Variants in FAF1 observed in about 807,000 individuals in gnomAD.
The protein encoded by FAF1 is FAS-associated factor 1.
Under a neutral mutation model 92.5 loss-of-function variants are expected in FAF1, and 25 were observed. That is an observed-to-expected ratio of 0.27 (90% confidence interval 0.20 to 0.38). The LOEUF is 0.38. Among genes scored for constraint, FAF1 ranks in the 10% least tolerant of loss-of-function variants. The pLI, the probability that FAF1 is intolerant of heterozygous loss-of-function variation, is 1.00. For synonymous variants in FAF1, 234 were observed against 273.2 expected (o/e 0.86, Z 1.42); for missense variants, 636 against 793.3 (o/e 0.80, Z 2.38).
At chr1:50,861,138 A>C (rs1054785528) in intron 1 of FAF1, among the ~76,000 whole-genome samples, 1 of 151,838 alleles carries the variant, frequency 6.6e-6, no homozygotes, top group African/African-American at 2.4e-5. Context: ...GAGTGACAAG[A>C]TCATTTCATA....
At chr1:50,444,824 G>C (rs1052737854) in intron 18 of FAF1, among the ~76,000 whole-genome samples, 13 of 150,710 alleles carry the variant, frequency 8.6e-5, no homozygotes, top group African/African-American at 3.2e-4. Context: ...GCTGCAGACA[G>C]AATAAGGTTT....
At chr1:50,482,734 T>C (rs1330559370) in intron 17 of FAF1, among the ~76,000 whole-genome samples, 1 of 152,226 alleles carries the variant, frequency 6.6e-6, no homozygotes, top group African/African-American at 2.4e-5. Flanking sequence ...TGGTTTTAAT[T>C]TGTATCTCCC....
At chr1:50,580,174 TA>T in intron 12 of FAF1, among the ~76,000 whole-genome samples, 1 of 152,176 alleles carries the variant, frequency 6.6e-6, no homozygotes, top group South Asian at 2.1e-4. Flanking sequence ...TTTGAAGTTT[TA>T]ATTATTTATA....
intron 18 of FAF1, among the ~76,000 whole-genome samples, chr1:50,460,529 T>C (rs1017988813): frequency 5.9e-5 from 9 of 152,158 alleles, no homozygotes; most frequent in Non-Finnish European, 4.4e-5. Flanking sequence ...ATGAATTCAA[T>C]GTTAATGAAC....
intron 8 of FAF1, among the ~76,000 whole-genome samples, chr1:50,648,235 G>A (rs762060088): frequency 6.6e-6 from 1 of 152,152 alleles, no homozygotes; most frequent in Non-Finnish European, 1.5e-5. Context: ...TCCAGCCTGG[G>A]TGACAAGAGT....
At chr1:50,692,241 C>CTCTGTGTGTGTG (rs1403550926) in intron 7 of FAF1, among the ~76,000 whole-genome samples, 16 of 129,002 alleles carry the variant, frequency 1.2e-4, no homozygotes, top group African/African-American at 4.6e-4. Context: ...GAAGTATTTA[C>CTCTGTGTGTGTG]TGTGTGTGTG....
intron 3 of FAF1, among the ~76,000 whole-genome samples, chr1:50,798,525 G>A (rs1337728395): frequency 6.6e-6 from 1 of 152,162 alleles, no homozygotes; most frequent in East Asian, 1.9e-4. Flanking sequence ...TAATATACTG[G>A]ACCATGTAAA....
chr1:50,576,004 G>A (rs1650715698), intron 12 of FAF1, among the ~76,000 whole-genome samples: 2 of 152,178 alleles, frequency 1.3e-5, no homozygotes, highest in Admixed American at 1.3e-4. Context: ...ACTGTTAAAC[G>A]TGAACTACTA....
chr1:50,666,559 T>C (rs936641861), intron 7 of FAF1, among the ~76,000 whole-genome samples: 2 of 152,138 alleles, frequency 1.3e-5, no homozygotes, highest in Non-Finnish European at 2.9e-5. Flanking sequence ...TGAAACCATT[T>C]GCACTTAATT....
At chr1:50,950,230 A>C (rs2124761800) in intron 1 of FAF1, among the ~76,000 whole-genome samples, 1 of 152,288 alleles carries the variant, frequency 6.6e-6, no homozygotes, top group African/African-American at 2.4e-5. Flanking sequence ...CTAAAACAAA[A>C]CAAAAAGACA....
chr1:50,525,432 T>C (rs1459610593), intron 15 of FAF1, among the ~76,000 whole-genome samples: 14 of 152,248 alleles, frequency 9.2e-5, no homozygotes, highest in Admixed American at 9.2e-4. Flanking sequence ...TTGCTGACTT[T>C]GTTTTAAGCT....
intron 7 of FAF1, among the ~76,000 whole-genome samples, chr1:50,671,400 G>A (rs1374032206): frequency 3.4e-5 from 5 of 147,740 alleles, no homozygotes; most frequent in Admixed American, 6.8e-5. Context: ...GCAAGACTCC[G>A]TCTCAAAAAA....
intron 1 of FAF1, among the ~76,000 whole-genome samples, chr1:50,862,163 T>C (rs1418192851): frequency 6.7e-6 from 1 of 150,368 alleles, no homozygotes; most frequent in Non-Finnish European, 1.5e-5. Flanking sequence ...TCATACTGTA[T>C]GTTTTAAATG....
chr1:50,789,879 C>CT (rs1661501808), intron 3 of FAF1, among the ~76,000 whole-genome samples: 1 of 152,150 alleles, frequency 6.6e-6, no homozygotes. Flanking sequence ...TCTTTCATTT[C>CT]TTCTCTCACC....
At chr1:50,949,779 C>T (rs1444533143) in intron 1 of FAF1, among the ~76,000 whole-genome samples, 1 of 152,210 alleles carries the variant, frequency 6.6e-6, no homozygotes, top group Non-Finnish European at 1.5e-5. Flanking sequence ...AGTCCCACGG[C>T]TGCCAAGTGA....
chr1:50,937,749 AT>A (rs1482302643), intron 1 of FAF1, among the ~76,000 whole-genome samples: 14 of 152,188 alleles, frequency 9.2e-5, no homozygotes, highest in African/African-American at 3.4e-4. Context: ...ATTTACAAGG[AT>A]TTTAAGAAAA....
At chr1:50,761,124 C>T (rs1295434191) in intron 4 of FAF1, among the ~76,000 whole-genome samples, 1 of 152,124 alleles carries the variant, frequency 6.6e-6, no homozygotes, top group Non-Finnish European at 1.5e-5. Context: ...TACACCCTCC[C>T]AAGACTAAAC....
chr1:50,736,345 GATTC>G (rs1204085872), intron 6 of FAF1, among the ~76,000 whole-genome samples: 1 of 152,154 alleles, frequency 6.6e-6, no homozygotes, highest in African/African-American at 2.4e-5. Context: ...AAATCAGTTT[GATTC>G]ATTATGAAGT....
chr1:50,886,175 T>C (rs754313852), intron 1 of FAF1, among the ~76,000 whole-genome samples: 3 of 152,172 alleles, frequency 2.0e-5, no homozygotes, highest in African/African-American at 7.2e-5. Flanking sequence ...TTGCCAGTGG[T>C]TTATTTTACC....
Sources: allele counts gnomAD v4.1 joint callset (sites outside exome capture counted in the v4.1 genomes callset), GRCh38; gene constraint gnomAD v4.1.1; transcripts MANE v1.5; gene names NCBI Gene and HGNC (gene_info 2026-07-23, HGNC 2026-07-21).